Variants in ANK2 observed in about 807,000 individuals in gnomAD.
ANK2 encodes ankyrin 2.
ANK2 carries 83 observed loss-of-function variants against 360.5 expected under a neutral mutation model. The observed-to-expected ratio is 0.23, with a 90% CI of 0.19 to 0.28. The LOEUF (loss-of-function observed/expected upper bound fraction) is 0.28, where lower values mean the gene tolerates loss of function less well. ANK2 is among the 10% of genes least tolerant of loss of function. The pLI, the probability that ANK2 is intolerant of heterozygous loss-of-function variation, is 1.00. For synonymous variants in ANK2, 1,740 were observed against 1,759.5 expected, an observed-to-expected ratio of 0.99 and a Z score of 0.28; for missense variants, 4,201 against 4,795.7, an observed-to-expected ratio of 0.88 and a Z score of 3.66.
intron 1 of ANK2, among the ~76,000 whole-genome samples, chr4:113,086,035 TG>T (rs1408716361): frequency 2.0e-5 from 3 of 152,186 alleles, no homozygotes; most frequent in African/African-American, 7.2e-5. Flanking sequence ...CTATAGAAAC[TG>T]TAAAAGATTT....
At chr4:113,316,005 T>G (rs2082785677) in intron 24 of ANK2, among the ~76,000 whole-genome samples, 1 of 150,940 alleles carries the variant, frequency 6.6e-6, no homozygotes, top group Non-Finnish European at 1.5e-5. Context: ...GGAAAACAAA[T>G]TATCCATTCC....
intron 4 of ANK2, among the ~76,000 whole-genome samples, chr4:113,200,072 A>G (rs2098808168): frequency 2.0e-5 from 3 of 152,232 alleles, no homozygotes; most frequent in Admixed American, 6.5e-5. Flanking sequence ...TGTTGAAATT[A>G]TGATAGATAA....
At chr4:113,034,544 G>C (rs1415260629) in intron 2 of ANK2, 2 of 149,686 alleles carry the variant, frequency 1.3e-5, no homozygotes, top group African/African-American at 4.8e-5. Context: ...GCATGTCCTT[G>C]AGGGCAAGAA....
At chr4:113,107,972 G>T (rs2093842104) in intron 1 of ANK2, among the ~76,000 whole-genome samples, 1 of 152,062 alleles carries the variant, frequency 6.6e-6, no homozygotes, top group Non-Finnish European at 1.5e-5. Flanking sequence ...TAAAAAAGAT[G>T]GTTAAAGTGG....
the ANK2 span, among the ~76,000 whole-genome samples, chr4:112,790,996 A>G: frequency 6.6e-6 from 1 of 152,210 alleles, no homozygotes; most frequent in African/African-American, 2.4e-5. Flanking sequence ...CAGTGCTCAA[A>G]GGATATGGGA....
intron 18 of ANK2, among the ~76,000 whole-genome samples, chr4:113,284,560 T>C (rs1411925067): frequency 6.6e-6 from 1 of 152,210 alleles, no homozygotes. Flanking sequence ...TTACTTTCTT[T>C]GACAGCGTTT....
the ANK2 span, chr4:112,797,505 A>G: frequency 5.8e-6 from 1 of 171,644 alleles, no homozygotes; most frequent in Middle Eastern, 9.6e-4. Flanking sequence ...CAAGTTTGGA[A>G]ATGATTGTTT....
At chr4:113,178,064 C>T (rs1348682295) in intron 2 of ANK2, among the ~76,000 whole-genome samples, 4 of 152,072 alleles carry the variant, frequency 2.6e-5, no homozygotes, top group Admixed American at 6.6e-5. Flanking sequence ...TGATTCTCTT[C>T]AATTCCCTGA....
At chr4:113,122,633 G>A (rs568124387) in intron 1 of ANK2, among the ~76,000 whole-genome samples, 1 of 152,182 alleles carries the variant, frequency 6.6e-6, no homozygotes, top group Admixed American at 6.6e-5. Context: ...TTATGTCTTA[G>A]TGTCTACTTA....
chr4:113,379,727 G>C (rs1167332546), intron 45 of ANK2, among the ~76,000 whole-genome samples: 1 of 152,044 alleles, frequency 6.6e-6, no homozygotes, highest in Non-Finnish European at 1.5e-5. Context: ...AATTCATATA[G>C]TATTAAAGGA....
At position 113,038,008 on chromosome 4, in the gene ANK2, T is replaced by A. The variant is rs144068739; in HGVS notation, c.21+133494T>A. 2.0e-5 allele frequency among the ~76,000 whole-genome samples: 3 copies of A among 152,186 alleles called. No individual in the cohort carries two copies. The East Asian group carries it at 5.8e-4, about 30-fold the overall frequency. On this transcript the variant is annotated intron_variant, in intron 2 of 30. Coordinates refer to the ANK2 transcript ENST00000503271. Reference sequence around the variant, plus strand: ...TAACAAACAATAATTATGCTTGCACTACATGTGTCCCTTTTTAGACATTAG... The same window carrying A: ...TAACAAACAATAATTATGCTTGCACAACATGTGTCCCTTTTTAGACATTAG...
chr4:113,034,662 T>G (rs569728110), intron 2 of ANK2: 2 of 152,024 alleles, frequency 1.3e-5, no homozygotes, highest in Non-Finnish European at 2.9e-5. Context: ...TCTGGGAAAA[T>G]GTAGAGAGTG....
intron 2 of ANK2, among the ~76,000 whole-genome samples, chr4:112,929,974 A>G (rs577114101): frequency 6.6e-6 from 1 of 152,300 alleles, no homozygotes; most frequent in Admixed American, 6.5e-5. Context: ...TTCATAAAGT[A>G]CAGTCTCTTT....
At chr4:113,271,999 G>A (rs2058714196) in intron 14 of ANK2, among the ~76,000 whole-genome samples, 1 of 152,208 alleles carries the variant, frequency 6.6e-6, no homozygotes, top group Admixed American at 6.5e-5. Flanking sequence ...CAATTACAGG[G>A]CTTGGCATTT....
Position 113,113,640 on chromosome 4 carries a change from C to G in ANK2, c.85-60776C>G, listed in dbSNP as rs540866485. Among the ~76,000 whole-genome samples the G allele has an allele frequency of 1.6e-4, 25 of 152,238 alleles. 1 individual carries two copies. Among genetic ancestry groups the G allele is most frequent in the Admixed American group, 1.5e-3 (23 of 15,288 alleles). ...TTGTGGAAGGAATCAGCTTTTGTTACGAGCTCAAAATTCAGCCAGAATTAT... is the reference window on the plus strand; with the variant it reads ...TTGTGGAAGGAATCAGCTTTTGTTAGGAGCTCAAAATTCAGCCAGAATTAT... On this transcript the variant is annotated intron_variant, in intron 1 of 45. Coordinates refer to ENST00000357077, the MANE Select transcript of ANK2 (RefSeq NM_001148.6).
At chr4:112,800,745 C>G in the ANK2 span, among the ~76,000 whole-genome samples, 1 of 152,144 alleles carries the variant, frequency 6.6e-6, no homozygotes, top group Admixed American at 6.5e-5. Context: ...ACCTCCGCAT[C>G]CCAGGTTCAA....
At chr4:112,825,557 A>G (rs953186407) in intron 1 of ANK2, among the ~76,000 whole-genome samples, 6 of 152,338 alleles carry the variant, frequency 3.9e-5, no homozygotes, top group South Asian at 2.1e-4. Context: ...AATACTACCA[A>G]TACTACAAAA....
At chr4:113,241,591 C>A (rs1403940026) in intron 8 of ANK2, among the ~76,000 whole-genome samples, 1 of 152,218 alleles carries the variant, frequency 6.6e-6, no homozygotes, top group Non-Finnish European at 1.5e-5. Context: ...CCTCCCACCT[C>A]AACTTCCCAA....
chr4:113,152,215 A>G (rs1009327315), intron 1 of ANK2: 1 of 152,078 alleles, frequency 6.6e-6, no homozygotes, highest in African/African-American at 2.4e-5. Context: ...TAACTTTTGA[A>G]TAATATCTCT....
Sources: gnomAD v4.1 joint callset for allele counts (sites outside exome capture counted in the v4.1 genomes callset) on GRCh38, gnomAD v4.1.1 for gene constraint, MANE v1.5 for transcripts, NCBI Gene and HGNC (gene_info 2026-07-23, HGNC 2026-07-21) for gene names.